Variants in INPP4B observed in about 807,000 individuals in gnomAD.
INPP4B encodes inositol polyphosphate-4-phosphatase type II B, also known as inositol polyphosphate 4-phosphatase type II.
Under a neutral mutation model 122.5 loss-of-function variants are expected in INPP4B, and 55 were observed. The ratio of observed to expected loss-of-function variants is 0.45; its 90% CI spans 0.36 to 0.56. The LOEUF (loss-of-function observed/expected upper bound fraction) is 0.56, where lower values mean the gene tolerates loss of function less well. Ranked by LOEUF, INPP4B falls within the 20% of genes least tolerant of loss-of-function variation. The pLI is 0.00. For missense variants in INPP4B, 1,000 were observed against 1,097.7 expected (o/e 0.91, Z 1.26); for synonymous variants, 403 against 388.7 (o/e 1.04, Z -0.43).
chr4:142,121,861 C>T (rs548734341), intron 21 of INPP4B, among the ~76,000 whole-genome samples: 9 of 152,178 alleles, frequency 5.9e-5, no homozygotes, highest in African/African-American at 1.9e-4. Flanking sequence ...TGTTCTCATG[C>T]AGGCTATTAT....
In INPP4B at chr4:142,571,507, C is replaced by T. The variant is rs188721305; in HGVS notation, c.-190-108781G>A. On this transcript the variant is annotated intron_variant, in intron 2 of 25. Coordinates refer to ENST00000262992, the MANE Select transcript of INPP4B (RefSeq NM_001101669.3). ...TAATGATTATATATAATCATAAATGCCGGAGAAACTTTGTTCTGAGTTTCA... is the reference window on the plus strand; with the variant it reads ...TAATGATTATATATAATCATAAATGTCGGAGAAACTTTGTTCTGAGTTTCA... Among the ~76,000 whole-genome samples, 583 of 152,158 alleles carry T rather than the reference C, an allele frequency of 3.8e-3. 6 individuals are homozygous for T. The highest frequency in any genetic ancestry group is 5.3e-3 in the Non-Finnish European group (362 of 68,004).
chr4:142,521,009 ACATT>A (rs1826003800), intron 2 of INPP4B, among the ~76,000 whole-genome samples: 1 of 151,932 alleles, frequency 6.6e-6, no homozygotes, highest in African/African-American at 2.4e-5. Context: ...CCCCAAACCT[ACATT>A]AAGTATGATG....
At chr4:142,398,936 C>G (rs1342103616) in intron 7 of INPP4B, among the ~76,000 whole-genome samples, 1 of 152,090 alleles carries the variant, frequency 6.6e-6, no homozygotes, top group African/African-American at 2.4e-5. Flanking sequence ...ACATTTATTA[C>G]TTTCAGAGCA....
intron 2 of INPP4B, among the ~76,000 whole-genome samples, chr4:142,489,343 A>G (rs1821579535): frequency 1.3e-5 from 2 of 152,144 alleles, no homozygotes; most frequent in South Asian, 4.1e-4. Flanking sequence ...AGATGTTGGG[A>G]ATAGTATTCT....
chr4:142,567,956 T>C (rs1238828684), intron 2 of INPP4B, among the ~76,000 whole-genome samples: 1 of 152,144 alleles, frequency 6.6e-6, no homozygotes, highest in African/African-American at 2.4e-5. Flanking sequence ...ATCATATTTT[T>C]CAAATAGTTC....
At chr4:142,156,691 C>T (rs1817389710) in intron 17 of INPP4B, among the ~76,000 whole-genome samples, 1 of 151,956 alleles carries the variant, frequency 6.6e-6, no homozygotes, top group Non-Finnish European at 1.5e-5. Flanking sequence ...TGATTATTAT[C>T]CAGATTCATA....
At chr4:142,569,092 T>C (rs553185359) in intron 2 of INPP4B, among the ~76,000 whole-genome samples, 1 of 152,188 alleles carries the variant, frequency 6.6e-6, no homozygotes, top group Admixed American at 6.5e-5. Flanking sequence ...TAATGGGAAA[T>C]AATATTTGCT....
intron 11 of INPP4B, among the ~76,000 whole-genome samples, chr4:142,239,196 G>A (rs545274889): frequency 6.6e-6 from 1 of 152,046 alleles, no homozygotes; most frequent in East Asian, 1.9e-4. Context: ...CATTCTCAAA[G>A]GTACACTAGG....
At chr4:142,353,286 A>T (rs940880786) in intron 7 of INPP4B, among the ~76,000 whole-genome samples, 5 of 151,974 alleles carry the variant, frequency 3.3e-5, no homozygotes, top group African/African-American at 1.2e-4. Context: ...ATGCTTTCTA[A>T]GTTGCAAGCA....
intron 1 of INPP4B, among the ~76,000 whole-genome samples, chr4:142,835,430 T>C (rs914517575): frequency 3.3e-5 from 5 of 152,200 alleles, no homozygotes; most frequent in African/African-American, 1.2e-4. Flanking sequence ...CTATAGTATA[T>C]AGTTATGCAG....
chr4:142,048,758 A>G (rs1752929526), intron 25 of INPP4B, among the ~76,000 whole-genome samples: 2 of 152,064 alleles, frequency 1.3e-5, no homozygotes, highest in East Asian at 3.9e-4. Context: ...AGTATTATAC[A>G]TGATATACTT....
intron 2 of INPP4B, among the ~76,000 whole-genome samples, chr4:142,577,778 TG>T (rs1381018428): frequency 6.6e-6 from 1 of 151,996 alleles, no homozygotes; most frequent in Non-Finnish European, 1.5e-5. Context: ...TCTCTTATTC[TG>T]ATTGGAAATC....
At chr4:142,309,208 C>T (rs566848583) in intron 8 of INPP4B, among the ~76,000 whole-genome samples, 1 of 152,180 alleles carries the variant, frequency 6.6e-6, no homozygotes, top group African/African-American at 2.4e-5. Context: ...TTAAAAGTAT[C>T]TAATGTGCAG....
intron 21 of INPP4B, 37 bp from the exon 22 acceptor site, chr4:142,112,719 T>C (rs113841121): frequency 6.3e-7 from 1 of 1,576,102 alleles, no homozygotes; most frequent in Non-Finnish European, 8.6e-7. Context: ...GAAACATTAC[T>C]TATTTGTTTT....
chr4:142,094,240 G>A (rs184549888), intron 23 of INPP4B, among the ~76,000 whole-genome samples: 3 of 152,240 alleles, frequency 2.0e-5, no homozygotes, highest in Admixed American at 2.0e-4. Flanking sequence ...TATGAGAAGG[G>A]CTTTACACAA....
chr4:142,745,317 A>G (rs1471808715), intron 1 of INPP4B, among the ~76,000 whole-genome samples: 1 of 151,910 alleles, frequency 6.6e-6, no homozygotes, highest in Admixed American at 6.6e-5. Context: ...GAACACAACC[A>G]TATGGATAAT....
At chr4:142,407,352 G>A (rs1803642661) in intron 5 of INPP4B, among the ~76,000 whole-genome samples, 1 of 152,046 alleles carries the variant, frequency 6.6e-6, no homozygotes, top group Non-Finnish European at 1.5e-5. Flanking sequence ...GTGAGCTCAT[G>A]ACACCTTTGC....
intron 2 of INPP4B, among the ~76,000 whole-genome samples, chr4:142,703,428 G>A (rs1054597929): frequency 1.3e-5 from 2 of 152,180 alleles, no homozygotes; most frequent in African/African-American, 2.4e-5. Context: ...GGAACATTAT[G>A]AGGGGCAGAG....
intron 7 of INPP4B, among the ~76,000 whole-genome samples, chr4:142,399,587 A>C (rs1426903610): frequency 6.6e-6 from 1 of 152,180 alleles, no homozygotes; most frequent in Non-Finnish European, 1.5e-5. Flanking sequence ...TGATGTCCTG[A>C]AAATACTTTT....
Sources: allele counts gnomAD v4.1 joint callset (sites outside exome capture counted in the v4.1 genomes callset), GRCh38; gene constraint gnomAD v4.1.1; transcripts MANE v1.5; gene names NCBI Gene and HGNC (gene_info 2026-07-23, HGNC 2026-07-21).